PAK5: variants seen among roughly 807,000 people sequenced by gnomAD.
PAK5 encodes the protein serine/threonine-protein kinase PAK 5.
A neutral mutation model predicts 65.9 loss-of-function variants in PAK5; 16 were observed. The observed-to-expected ratio is 0.24, with a 90% CI of 0.16 to 0.37. The LOEUF is 0.37. PAK5 is among the 10% of genes least tolerant of loss of function. The pLI, the probability that PAK5 is intolerant of heterozygous loss-of-function variation, is 1.00. For missense variants in PAK5, 785 were observed against 903.9 expected, an observed-to-expected ratio of 0.87 and a Z score of 1.69; for synonymous variants, 371 against 354.9, an observed-to-expected ratio of 1.05 and a Z score of -0.51.
At chr20:9,548,829 A>AT (rs1316781906) in intron 7 of PAK5, among the ~76,000 whole-genome samples, 2 of 152,042 alleles carry the variant, frequency 1.3e-5, no homozygotes, top group African/African-American at 2.4e-5. Flanking sequence ...TATTAATGTG[A>AT]TTTTTTTTCA....
chr20:9,681,071 T>C (rs2047643280), intron 2 of PAK5, among the ~76,000 whole-genome samples: 2 of 152,224 alleles, frequency 1.3e-5, no homozygotes. Context: ...GGCTGTATTA[T>C]TTGGTACACA....
intron 1 of PAK5, among the ~76,000 whole-genome samples, chr20:9,787,170 C>A (rs2049001231): frequency 6.6e-6 from 1 of 152,158 alleles, no homozygotes; most frequent in Non-Finnish European, 1.5e-5. Flanking sequence ...AAACATTCTG[C>A]AGATAAGAGA....
chr20:9,787,839 T>C (rs762945702), intron 1 of PAK5, among the ~76,000 whole-genome samples: 1 of 152,050 alleles, frequency 6.6e-6, no homozygotes, highest in Non-Finnish European at 1.5e-5. Flanking sequence ...AATAGTAAAA[T>C]GCAGTAAAAT....
At chr20:9,625,460 C>A (rs1173624568) in intron 3 of PAK5, among the ~76,000 whole-genome samples, 2 of 152,218 alleles carry the variant, frequency 1.3e-5, no homozygotes, top group African/African-American at 4.8e-5. Context: ...CTACACCACG[C>A]CCATGGATGG....
At chr20:9,809,079 G>A (rs1194632540) in intron 1 of PAK5, among the ~76,000 whole-genome samples, 1 of 151,912 alleles carries the variant, frequency 6.6e-6, no homozygotes, top group Admixed American at 6.6e-5. Flanking sequence ...ATTTTGTTTA[G>A]ATGCTACTTC....
At chr20:9,648,707 T>G (rs1254295099) in intron 2 of PAK5, among the ~76,000 whole-genome samples, 2 of 152,192 alleles carry the variant, frequency 1.3e-5, no homozygotes, top group African/African-American at 4.8e-5. Context: ...GAGTCCAGGT[T>G]AGAAACTTGT....
At chr20:9,670,661 T>A (rs113167473) in intron 2 of PAK5, among the ~76,000 whole-genome samples, 7,744 of 152,296 alleles carry the variant, frequency 0.051, 220 homozygotes, top group South Asian at 0.083. Context: ...TCATTGTAGA[T>A]TCTGGATATT....
chr20:9,789,715 G>T (rs1417254505), intron 1 of PAK5, among the ~76,000 whole-genome samples: 1 of 152,080 alleles, frequency 6.6e-6, no homozygotes, highest in Non-Finnish European at 1.5e-5. Context: ...CCAGGAGTTT[G>T]GGGGCAGACA....
At chr20:9,796,469 T>C (rs1387416269) in intron 1 of PAK5, among the ~76,000 whole-genome samples, 1 of 152,104 alleles carries the variant, frequency 6.6e-6, no homozygotes. Flanking sequence ...CTATTGTATA[T>C]AGCATGTAGC....
intron 3 of PAK5, among the ~76,000 whole-genome samples, chr20:9,583,193 A>G (rs1024581403): frequency 4.6e-5 from 7 of 152,328 alleles, no homozygotes; most frequent in African/African-American, 1.7e-4. Context: ...AATTATATCC[A>G]TCCATCTGTA....
At chr20:9,766,702 A>G (rs1600347453) in intron 1 of PAK5, among the ~76,000 whole-genome samples, 1 of 151,770 alleles carries the variant, frequency 6.6e-6, no homozygotes, top group East Asian at 1.9e-4. Context: ...AAAGGTTAAA[A>G]TAGGTGAAAC....
At chr20:9,738,594 A>G (rs907910519) in intron 1 of PAK5, among the ~76,000 whole-genome samples, 4 of 152,210 alleles carry the variant, frequency 2.6e-5, no homozygotes, top group Non-Finnish European at 4.4e-5. Context: ...TCATTTATAT[A>G]AAATTCTAGG....
intron 1 of PAK5, among the ~76,000 whole-genome samples, chr20:9,719,246 G>T (rs1334360691): frequency 2.6e-5 from 4 of 152,182 alleles, no homozygotes; most frequent in African/African-American, 9.7e-5. Context: ...CATTTTGGCA[G>T]AAATTATTTA....
intron 2 of PAK5, among the ~76,000 whole-genome samples, chr20:9,683,279 A>G (rs1321687128): frequency 3.3e-5 from 5 of 152,242 alleles, no homozygotes; most frequent in South Asian, 4.1e-4. Context: ...ATATTTCTAC[A>G]TAGAGTGAGA....
intron 3 of PAK5, among the ~76,000 whole-genome samples, chr20:9,583,517 T>G (rs974046464): frequency 2.6e-5 from 4 of 152,262 alleles, no homozygotes; most frequent in Non-Finnish European, 5.9e-5. Context: ...AGTGTCTTTT[T>G]TCCTGCACCC....
intron 1 of PAK5, among the ~76,000 whole-genome samples, chr20:9,726,555 G>A (rs1033721795): frequency 6.6e-6 from 1 of 152,014 alleles, no homozygotes; most frequent in African/African-American, 2.4e-5. Context: ...ACTAAATGCA[G>A]GTCAAAATTG....
Position 9,647,136 on chromosome 20 carries a change from C to A in PAK5, c.-11-2797G>T, listed in dbSNP as rs572194890. 2.6e-5 allele frequency among the ~76,000 whole-genome samples: 4 copies of A among 152,304 alleles called. No individual in the cohort carries two copies. In the East Asian group the frequency reaches 7.7e-4, roughly 29 times the overall value. On this transcript the variant is annotated intron_variant, in intron 2 of 9. Transcript: ENST00000353224. ...TTAGCTGCTTCAAAGTTTCAAGTAA[C>A]AACATCCAATCTGGGTAACTATATT...
chr20:9,675,210 G>C (rs531052232), intron 2 of PAK5, among the ~76,000 whole-genome samples: 1 of 151,738 alleles, frequency 6.6e-6, no homozygotes, highest in Non-Finnish European at 1.5e-5. Context: ...AATAAAAGAG[G>C]AGAAGAGTTA....
At chr20:9,671,313 A>C (rs1223597788) in intron 2 of PAK5, among the ~76,000 whole-genome samples, 4 of 152,154 alleles carry the variant, frequency 2.6e-5, no homozygotes, top group African/African-American at 9.7e-5. Context: ...CTGTGAAGAA[A>C]GTCATTGGTA....
Sources: allele counts gnomAD v4.1 joint callset (sites outside exome capture counted in the v4.1 genomes callset), GRCh38; gene constraint gnomAD v4.1.1; transcripts MANE v1.5; gene names NCBI Gene and HGNC (gene_info 2026-07-23, HGNC 2026-07-21).